RIMS2: variants seen among roughly 807,000 people sequenced by gnomAD.
RIMS2 encodes the protein regulating synaptic membrane exocytosis protein 2.
Under a neutral mutation model 174.4 loss-of-function variants are expected in RIMS2, and 59 were observed. That is an observed-to-expected ratio of 0.34 (90% CI 0.27 to 0.42). RIMS2 has a LOEUF of 0.42. Among genes scored for constraint, RIMS2 ranks in the 10% least tolerant of loss-of-function variants. The pLI, the probability that RIMS2 is intolerant of heterozygous loss-of-function variation, is 1.00. For synonymous variants in RIMS2, 606 were observed against 572.5 expected, an observed-to-expected ratio of 1.06 and a Z score of -0.84; for missense variants, 1,620 against 1,666.3, an observed-to-expected ratio of 0.97 and a Z score of 0.48.
chr8:103,518,944 G>A (rs565369568), intron 1 of RIMS2, among the ~76,000 whole-genome samples: 1 of 152,142 alleles, frequency 6.6e-6, no homozygotes, highest in African/African-American at 2.4e-5. Flanking sequence ...TTAATTTTAT[G>A]GCTGAAGAAT....
At chr8:103,811,533 C>T (rs1289730824) in intron 3 of RIMS2, among the ~76,000 whole-genome samples, 1 of 152,152 alleles carries the variant, frequency 6.6e-6, no homozygotes. Flanking sequence ...CAACCTCTGC[C>T]TCCTGGGTTC....
At chr8:104,198,404 CAGA>C (rs1473179737) in intron 19 of RIMS2, among the ~76,000 whole-genome samples, 1 of 152,142 alleles carries the variant, frequency 6.6e-6, no homozygotes, top group Non-Finnish European at 1.5e-5. Context: ...TAAAACAAGA[CAGA>C]AGGAGAATCT....
At chr8:104,101,085 ATGTAAT>A (rs2097886705) in intron 19 of RIMS2, among the ~76,000 whole-genome samples, 1 of 143,676 alleles carries the variant, frequency 7.0e-6, no homozygotes, top group Non-Finnish European at 1.5e-5. Flanking sequence ...TATATTATAT[ATGTAAT>A]ATATAATATT....
intron 1 of RIMS2, 139 bp downstream of exon 1, chr8:103,501,201 G>A (rs1819592961): frequency 2.0e-6 from 1 of 509,054 alleles, no homozygotes; most frequent in Non-Finnish European, 3.1e-6. Context: ...TGCGGCCAGC[G>A]CCGGCCGCCC....
At chr8:103,676,228 CA>C in intron 1 of RIMS2, among the ~76,000 whole-genome samples, 1 of 58,846 alleles carries the variant, frequency 1.7e-5, no homozygotes, top group African/African-American at 1.0e-4. Flanking sequence ...AACTTTTTTG[CA>C]AAAGGGTTTT....
chr8:103,822,633 G>A (rs2098759148), intron 3 of RIMS2, among the ~76,000 whole-genome samples: 1 of 151,696 alleles, frequency 6.6e-6, no homozygotes, highest in African/African-American at 2.4e-5. Flanking sequence ...TACCATTTTA[G>A]TGCATGAAGC....
chr8:103,607,771 C>T (rs1404615662), intron 1 of RIMS2, among the ~76,000 whole-genome samples: 10 of 135,386 alleles, frequency 7.4e-5, no homozygotes, highest in African/African-American at 1.2e-4. Flanking sequence ...TTGCTGATAC[C>T]CTTTCTTCCA....
intron 3 of RIMS2, among the ~76,000 whole-genome samples, chr8:103,795,578 A>C (rs1321611685): frequency 6.6e-6 from 1 of 152,168 alleles, no homozygotes; most frequent in Non-Finnish European, 1.5e-5. Context: ...TTAAAGTATA[A>C]TAATAATGAT....
At chr8:103,649,545 G>T (rs374877518) in intron 1 of RIMS2, among the ~76,000 whole-genome samples, 1 of 151,826 alleles carries the variant, frequency 6.6e-6, no homozygotes, top group African/African-American at 2.4e-5. Context: ...TTTGCAACTT[G>T]GTTCCATTCT....
At chr8:103,797,929 A>G (rs1032634622) in intron 3 of RIMS2, among the ~76,000 whole-genome samples, 9 of 152,164 alleles carry the variant, frequency 5.9e-5, no homozygotes, top group African/African-American at 2.2e-4. Flanking sequence ...TCTCAAAAGT[A>G]TCCTGGGGTT....
At chr8:104,247,151 G>A (rs988978936) in intron 20 of RIMS2, among the ~76,000 whole-genome samples, 1 of 152,164 alleles carries the variant, frequency 6.6e-6, no homozygotes, top group Admixed American at 6.5e-5. Flanking sequence ...GAGCAAGTAA[G>A]ATTTATTGAT....
At chr8:104,011,149 A>G (rs934113697) in intron 17 of RIMS2, among the ~76,000 whole-genome samples, 3 of 152,136 alleles carry the variant, frequency 2.0e-5, no homozygotes, top group Non-Finnish European at 2.9e-5. Flanking sequence ...TAGCAGTAAC[A>G]TTGTGTCTAA....
At chr8:103,881,643 G>A (rs1032787142) in intron 3 of RIMS2, among the ~76,000 whole-genome samples, 4 of 151,602 alleles carry the variant, frequency 2.6e-5, no homozygotes, top group Middle Eastern at 3.4e-3. Flanking sequence ...TTATAATGGA[G>A]CATCAGATGT....
At chr8:104,202,225 T>C (rs1327489260) in intron 19 of RIMS2, among the ~76,000 whole-genome samples, 1 of 152,202 alleles carries the variant, frequency 6.6e-6, no homozygotes, top group African/African-American at 2.4e-5. Flanking sequence ...AGTATAGACA[T>C]ACCAATTTTT....
chr8:103,616,176 A>G (rs906883843), intron 1 of RIMS2, among the ~76,000 whole-genome samples: 2 of 152,214 alleles, frequency 1.3e-5, no homozygotes, highest in Non-Finnish European at 2.9e-5. Context: ...CATCATAATC[A>G]GGTAGGCTTC....
At chr8:103,806,919 C>T (rs1021464518) in intron 3 of RIMS2, among the ~76,000 whole-genome samples, 6 of 151,886 alleles carry the variant, frequency 4.0e-5, no homozygotes, top group Admixed American at 6.6e-5. Flanking sequence ...ATGGGAGGAA[C>T]AGGTTTGGGT....
intron 1 of RIMS2, among the ~76,000 whole-genome samples, 179 bp downstream of exon 1, chr8:103,501,241 G>A (rs553282273): frequency 6.1e-4 from 93 of 152,164 alleles, no homozygotes; most frequent in African/African-American, 2.2e-3. Context: ...TGAGAGCAGG[G>A]GTGTGTGTCG....
At chr8:104,220,393 A>G (rs1406203654) in intron 19 of RIMS2, among the ~76,000 whole-genome samples, 3 of 152,138 alleles carry the variant, frequency 2.0e-5, no homozygotes, top group Non-Finnish European at 4.4e-5. Flanking sequence ...TTCTTGGTTC[A>G]TGAAACCAGG....
intron 1 of RIMS2, among the ~76,000 whole-genome samples, chr8:103,616,832 T>C (rs2095516072): frequency 6.6e-6 from 1 of 152,134 alleles, no homozygotes; most frequent in African/African-American, 2.4e-5. Flanking sequence ...AAAAGATCTC[T>C]ACAATGAGAA....
Sources: gnomAD v4.1 joint callset for allele counts (sites outside exome capture counted in the v4.1 genomes callset) on GRCh38, gnomAD v4.1.1 for gene constraint, MANE v1.5 for transcripts, NCBI Gene and HGNC (gene_info 2026-07-23, HGNC 2026-07-21) for gene names.